ALDH3B1: variants seen among roughly 807,000 people sequenced by gnomAD.
ALDH3B1 encodes the protein aldehyde dehydrogenase 3 family member B1, also known as aldehyde dehydrogenase family 3 member B1.
ALDH3B1 carries 37 observed loss-of-function variants against 46.2 expected under a neutral mutation model. That is an observed-to-expected ratio of 0.80 (90% CI 0.62 to 1.05). The LOEUF is 1.05. Ranked by LOEUF, ALDH3B1 falls within the 50% of genes least tolerant of loss-of-function variation. The probability of loss-of-function intolerance (pLI) is 0.00; values close to 1 mark genes in which losing one functional copy is unlikely to be tolerated. For synonymous variants in ALDH3B1, 283 were observed against 281.0 expected, an observed-to-expected ratio of 1.01 and a Z score of -0.07; for missense variants, 603 against 665.5, an observed-to-expected ratio of 0.91 and a Z score of 1.03.
intron 1 of ALDH3B1, among the ~76,000 whole-genome samples, chr11:68,013,356 C>T (rs562785101): frequency 9.5e-4 from 145 of 152,296 alleles, no homozygotes; most frequent in African/African-American, 3.4e-3. Flanking sequence ...ACAGAGCTCC[C>T]GGCCCACAGT....
Position 68,028,069 on chromosome 11 carries a change from C to T in ALDH3B1, c.*130C>T, listed in dbSNP as rs750705047. 62 of 1,214,690 alleles carry T rather than the reference C, an allele frequency of 5.1e-5. No homozygotes were observed. The highest frequency in any genetic ancestry group is 4.9e-4 in the Admixed American group (29 of 59,374). 75.2% of individuals were successfully genotyped at this position (1,214,690 alleles called of 1,614,324 possible). A position where few individuals can be genotyped will look rare whatever the true frequency, so the allele number is the denominator to read the frequency against. Reference sequence around the variant, plus strand: ...GGCTCCAGGGCACCCCTCAAAGCAGCGCCTGCCTCCTCCCTCCTGGGTCTT... The same window carrying T: ...GGCTCCAGGGCACCCCTCAAAGCAGTGCCTGCCTCCTCCCTCCTGGGTCTT... On this transcript the variant is annotated 3_prime_UTR_variant, in exon 10 of 10. Coordinates refer to ENST00000342456, the MANE Select transcript of ALDH3B1 (RefSeq NM_000694.4).
At chr11:68,020,319 C>T (rs539080041) in intron 6 of ALDH3B1, among the ~76,000 whole-genome samples, 39 of 152,220 alleles carry the variant, frequency 2.6e-4, no homozygotes, top group African/African-American at 8.9e-4. Context: ...GCAACCTCTG[C>T]GCCTCCTGGG....
At chr11:68,026,196 C>A in intron 9 of ALDH3B1, 88 bp downstream of exon 9, 1 of 1,163,582 alleles carries the variant, frequency 8.6e-7, no homozygotes, top group Non-Finnish European at 1.2e-6. Flanking sequence ...AGCACCCCAG[C>A]CCCACCTCAA....
chr11:68,023,678 CAG>C (rs368304549), intron 8 of ALDH3B1, among the ~76,000 whole-genome samples: 68 of 152,142 alleles, frequency 4.5e-4, no homozygotes, highest in African/African-American at 1.5e-3. Flanking sequence ...CAAAATGGTA[CAG>C]AGAGTTCCCA....
At chr11:68,023,788 TCTC>T (rs1391954804) in intron 8 of ALDH3B1, among the ~76,000 whole-genome samples, 2 of 151,864 alleles carry the variant, frequency 1.3e-5, no homozygotes, top group South Asian at 4.2e-4. Context: ...ACACCTGTAA[TCTC>T]AGCACTTTGG....
In ALDH3B1 at chr11:68,018,582, T is replaced by C. The variant is rs1003321518; in HGVS notation, c.218T>C (p.Leu73Pro). Reference protein sequence around the residue: ...EVAISQGEVTLALRNLRAWMK... With the variant: ...EVAISQGEVTPALRNLRAWMK... ...GCCATCAGCCAGGGCGAGGTCACCC[T>C]GGCCCTCAGGAACCTCCGGGCCTGG... The change falls in exon 3 of 10, where the codon CTG (leucine) becomes CCG (proline). Residue 73 changes from leucine to proline, a missense_variant. Physicochemically the swap from Leu to Pro is moderately conservative, Grantham distance 98. Coordinates refer to ENST00000342456, the MANE Select transcript of ALDH3B1 (RefSeq NM_000694.4). The C allele has an allele frequency of 1.3e-6, 2 of 1,570,370 alleles. No individual in the cohort carries two copies. The highest frequency in any genetic ancestry group is 2.7e-5 in the African/African-American group (2 of 73,688).
chr11:68,022,727 C>T lies in ALDH3B1; in HGVS notation c.1082C>T (p.Pro361Leu), dbSNP rs764569381. 2.3e-5 allele frequency: 37 copies of T among 1,614,016 alleles called. No homozygotes were observed. The South Asian group carries it at 4.0e-4, about 17-fold the overall frequency. The change falls in exon 8 of 10, where the codon CCC (proline) becomes CTC (leucine). Residue 361 changes from proline to leucine, a missense_variant. Transcript: ENST00000342456. Reference sequence around the variant, plus strand: ...GAGTTCATCAACCGGCGGGAGAAGCCCCTGGCCCTGTACGCCTTCTCCAAC... The same window carrying T: ...GAGTTCATCAACCGGCGGGAGAAGCTCCTGGCCCTGTACGCCTTCTCCAAC... ...AIEFINRREK[P>L]LALYAFSNSS...
At position 68,028,141 on chromosome 11, in the gene ALDH3B1, G is replaced by C. The variant is rs1590785810; in HGVS notation, c.*202G>C. 2 of 792,076 alleles carry C rather than the reference G, an allele frequency of 2.5e-6. No homozygotes were observed. The highest frequency in any genetic ancestry group is 4.5e-6 in the Non-Finnish European group (2 of 448,170). The allele number at this position is 792,076 out of a possible 1,614,324, so 49.1% of individuals were successfully genotyped here. A position where few individuals can be genotyped will look rare whatever the true frequency, so the allele number is the denominator to read the frequency against. ...CTCCCTCAGCCGCTCCCAACCATGA[G>C]AGCCGAGGTGGGAGGCATGGGAAAC... On this transcript the variant is annotated 3_prime_UTR_variant, in exon 10 of 10. Transcript: ENST00000342456.
rs543278187 is a variant in ALDH3B1, at chr11:68,012,787, G to C, written c.-2+2395G>C. Among the ~76,000 whole-genome samples, 13 of 152,318 alleles carry C rather than the reference G, an allele frequency of 8.5e-5. No individual in the cohort carries two copies. The South Asian group carries it at 2.7e-3, about 32-fold the overall frequency. On this transcript the variant is annotated intron_variant, in intron 1 of 9. Transcript: ENST00000342456. ...AGGACTTGGCTGCCCATCCCCAGGG[G>C]ACTGTGAGGGAGGTGGGAGCTGAGG... is the stretch of plus-strand genomic sequence containing the variant.
intron 7 of ALDH3B1, among the ~76,000 whole-genome samples, chr11:68,022,357 T>C (rs1857520442): frequency 6.6e-6 from 1 of 152,110 alleles, no homozygotes; most frequent in African/African-American, 2.4e-5. Context: ...GAGACCAAGG[T>C]CGGGGGATTC....
Position 68,028,026 on chromosome 11 carries a change from G to A in ALDH3B1, c.*87G>A, listed in dbSNP as rs977402743. 1.3e-6 allele frequency: 2 copies of A among 1,537,940 alleles called. No homozygotes were observed. The highest frequency in any genetic ancestry group is 2.7e-5 in the African/African-American group (2 of 73,574). On this transcript the variant is annotated 3_prime_UTR_variant, in exon 10 of 10. Transcript: ENST00000342456. ...CGGGGCCTGGGCTCCCGGGCCCGAG[G>A]AGGAAAAGGATTGCCAAGGCTCCAG...
chr11:68,014,280 C>T (rs1050986649), intron 1 of ALDH3B1, among the ~76,000 whole-genome samples: 1 of 152,054 alleles, frequency 6.6e-6, no homozygotes, highest in African/African-American at 2.4e-5. Context: ...CAACTCAGAA[C>T]GCTGGGGAGC....
intron 1 of ALDH3B1, among the ~76,000 whole-genome samples, chr11:68,013,556 C>G (rs180814054): frequency 6.6e-6 from 1 of 152,338 alleles, no homozygotes; most frequent in Admixed American, 6.5e-5. Flanking sequence ...TAGCAAAACA[C>G]CCAGAGCTGA....
chr11:68,019,321 C>A, intron 5 of ALDH3B1, 66 bp downstream of exon 5: 1 of 1,415,830 alleles, frequency 7.1e-7, no homozygotes, highest in Non-Finnish European at 9.8e-7. Context: ...CAGCCCCTGG[C>A]ATGGAAGGGC....
chr11:68,015,526 G>T, intron 2 of ALDH3B1, 67 bp downstream of exon 2: 1 of 1,547,936 alleles, frequency 6.5e-7, no homozygotes, highest in Non-Finnish European at 8.7e-7. Flanking sequence ...AGCTGGGACA[G>T]CAGGGGATGA....
At position 68,018,568 on chromosome 11, in the gene ALDH3B1, G is replaced by T; in HGVS notation, c.204G>T (p.Gln68His). ...AGGTGTCTGAGGTTGCCATCAGCCAGGGCGAGGTCACCCTGGCCCTCAGGA... is the reference window on the plus strand; with the variant it reads ...AGGTGTCTGAGGTTGCCATCAGCCATGGCGAGGTCACCCTGGCCCTCAGGA... ...ESEVSEVAIS[Q>H]GEVTLALRNL... The change falls in exon 3 of 10, where the codon CAG becomes CAT. Residue 68 changes from glutamine to histidine, a missense_variant. Gln to His is a conservative substitution (Grantham distance 24, BLOSUM62 0). Coordinates refer to ENST00000342456, the MANE Select transcript of ALDH3B1 (RefSeq NM_000694.4). 6.3e-7 allele frequency: 1 copy of T among 1,583,630 alleles called. No individual in the cohort carries two copies. The highest frequency in any genetic ancestry group is 8.6e-7 in the Non-Finnish European group (1 of 1,165,264).
Position 68,021,847 on chromosome 11 carries a change from A to G in ALDH3B1, c.925A>G (p.Ser309Gly). 8 of 1,610,434 alleles carry G rather than the reference A, an allele frequency of 5.0e-6. No individual in the cohort carries two copies. Among genetic ancestry groups the G allele is most frequent in the Non-Finnish European group, 6.8e-6 (8 of 1,177,984 alleles). Residue 309 changes from serine (S) to glycine (G), a missense_variant, in exon 7 of 10, where the codon AGC (serine) becomes GGC (glycine). Transcript: ENST00000342456. ...CGGCCGTGTGGCCATTGGGGGCCAG[A>G]GCGATGAGAGCGATCGCTACATCGG... is the stretch of plus-strand genomic sequence containing the variant. ...GCGRVAIGGQ[S>G]DESDRYIAPT...
chr11:68,012,768 TGG>T (rs1359018541), intron 1 of ALDH3B1, among the ~76,000 whole-genome samples: 10 of 152,174 alleles, frequency 6.6e-5, no homozygotes, highest in African/African-American at 2.4e-4. Flanking sequence ...CCCAAGGACT[TGG>T]CTGCCCATCC....
chr11:68,021,985 G>A (rs1857512768), intron 7 of ALDH3B1, 114 bp downstream of exon 7: 1 of 1,491,338 alleles, frequency 6.7e-7, no homozygotes, highest in African/African-American at 1.4e-5. Flanking sequence ...CCCACTGCCA[G>A]AGCCCGGCCT....
Sources: allele counts gnomAD v4.1 joint callset (sites outside exome capture counted in the v4.1 genomes callset), GRCh38; gene constraint gnomAD v4.1.1; transcripts MANE v1.5; gene names NCBI Gene and HGNC (gene_info 2026-07-23, HGNC 2026-07-21).